SCAND3: variants seen among roughly 807,000 people sequenced by gnomAD.
SCAND3 encodes SCAN domain-containing protein 3.
At chr6:28,581,143 C>A in the SCAND3 span, among the ~76,000 whole-genome samples, 1 of 151,922 alleles carries the variant, frequency 6.6e-6, no homozygotes, top group Non-Finnish European at 1.5e-5. Flanking sequence ...TCGAGACCAG[C>A]CTGGGCAACA....
the SCAND3 span, among the ~76,000 whole-genome samples, chr6:28,580,794 A>AC: frequency 1.8e-4 from 7 of 39,754 alleles, no homozygotes; most frequent in African/African-American, 5.7e-4. Context: ...ACTCTCCCCC[A>AC]CCCCCCCACC....
the SCAND3 span, chr6:28,589,856 G>GTTTTTTTTTTTTTTTTTTTT: frequency 8.6e-6 from 1 of 116,546 alleles, no homozygotes; most frequent in Non-Finnish European, 1.8e-5. Flanking sequence ...TTTTTTGTTT[G>GTTTTTTTTTTTTTTTTTTTT]TTTTTTTTTT....
the SCAND3 span, chr6:28,573,581 C>T: frequency 1.2e-6 from 2 of 1,613,146 alleles, no homozygotes; most frequent in Non-Finnish European, 1.7e-6. Context: ...GGTTTCATTG[C>T]TTCATTAGCC....
chr6:28,589,551 G>A, the SCAND3 span: 2 of 152,196 alleles, frequency 1.3e-5, no homozygotes, highest in African/African-American at 4.8e-5. Context: ...CAACTTTGTG[G>A]TCGCGTGCAC....
At chr6:28,615,621 T>G in the SCAND3 span, among the ~76,000 whole-genome samples, 144 of 146,504 alleles carry the variant, frequency 9.8e-4, no homozygotes, top group Admixed American at 2.4e-3. Flanking sequence ...AAAAAAAGAC[T>G]AGACATTTCA....
the SCAND3 span, chr6:28,593,499 A>AC: frequency 6.6e-6 from 1 of 151,948 alleles, no homozygotes; most frequent in South Asian, 2.1e-4. Context: ...CCATGGTGAA[A>AC]CCCCGTCTCT....
chr6:28,572,604 A>G, the SCAND3 span: 33 of 1,613,964 alleles, frequency 2.0e-5, no homozygotes, highest in Non-Finnish European at 2.8e-5. This position sits in a 1 kb window ranked among gnomAD's most constrained non-coding sequence, Gnocchi z 4.1. Context: ...TCCAATTCAC[A>G]TCTTTAAAAA....
the SCAND3 span, among the ~76,000 whole-genome samples, chr6:28,594,484 G>T: frequency 6.6e-6 from 1 of 152,282 alleles, no homozygotes; most frequent in East Asian, 1.9e-4. Flanking sequence ...GTGAAACCCC[G>T]TTTCTACTAA....
the SCAND3 span, among the ~76,000 whole-genome samples, chr6:28,584,433 C>T: frequency 1.3e-5 from 2 of 152,118 alleles, no homozygotes; most frequent in African/African-American, 2.4e-5. Context: ...CATCTAGTCT[C>T]TCTTGCTAGA....
At chr6:28,585,711 G>C in the SCAND3 span, among the ~76,000 whole-genome samples, 5 of 152,074 alleles carry the variant, frequency 3.3e-5, no homozygotes, top group Admixed American at 2.0e-4. Flanking sequence ...AAGAATGTCT[G>C]GCAATATCCA....
chr6:28,586,312 C>T, the SCAND3 span: 6 of 1,605,854 alleles, frequency 3.7e-6, no homozygotes, highest in South Asian at 5.6e-5. The surrounding 1 kb of genome is among the most constrained non-coding windows in gnomAD (Gnocchi z 4.4). Context: ...TGTCTAGGTT[C>T]ATCAAGCTCC....
chr6:28,599,801 T>A, the SCAND3 span, among the ~76,000 whole-genome samples: 4 of 152,052 alleles, frequency 2.6e-5, no homozygotes, highest in Non-Finnish European at 4.4e-5. Context: ...GAAAAATAAA[T>A]CAATGGGAAG....
chr6:28,601,731 G>A, the SCAND3 span, among the ~76,000 whole-genome samples: 9 of 152,126 alleles, frequency 5.9e-5, no homozygotes, highest in African/African-American at 1.9e-4. Context: ...TTGCCATGTT[G>A]GTCAGGCTGG....
chr6:28,595,189 C>T, the SCAND3 span, among the ~76,000 whole-genome samples: 3 of 85,940 alleles, frequency 3.5e-5, no homozygotes, highest in Non-Finnish European at 6.0e-5. Flanking sequence ...GGAACCCCGT[C>T]ACTACCAAAA....
At chr6:28,600,899 CT>C in the SCAND3 span, among the ~76,000 whole-genome samples, 9,196 of 119,474 alleles carry the variant, frequency 0.077, 168 homozygotes, top group African/African-American at 0.16. Context: ...CAACATGTGC[CT>C]TTTTTTTTTT....
the SCAND3 span, chr6:28,589,379 G>C: frequency 6.6e-6 from 1 of 152,026 alleles, no homozygotes; most frequent in East Asian, 1.9e-4. Flanking sequence ...CCTTGTGGTT[G>C]GTCCCATGGT....
At chr6:28,585,710 T>A in the SCAND3 span, among the ~76,000 whole-genome samples, 2 of 152,206 alleles carry the variant, frequency 1.3e-5, no homozygotes, top group Non-Finnish European at 2.9e-5. Context: ...TAAGAATGTC[T>A]GGCAATATCC....
chr6:28,596,599 A>G, the SCAND3 span, among the ~76,000 whole-genome samples: 201 of 151,650 alleles, frequency 1.3e-3, 3 homozygotes, highest in African/African-American at 4.6e-3. Flanking sequence ...AAAAACTTAA[A>G]TAAAATAAAT....
the SCAND3 span, among the ~76,000 whole-genome samples, chr6:28,609,410 A>T: frequency 6.6e-6 from 1 of 152,258 alleles, no homozygotes; most frequent in African/African-American, 2.4e-5. Flanking sequence ...TTGAAAGCTA[A>T]CACATGAAGG....
Sources: allele counts gnomAD v4.1 joint callset (sites outside exome capture counted in the v4.1 genomes callset), GRCh38; gene constraint gnomAD v4.1.1; non-coding constraint Gnocchi (gnomAD v3.1); transcripts MANE v1.5; gene names NCBI Gene and HGNC (gene_info 2026-07-23, HGNC 2026-07-21).